Variants in VPS53 observed in about 807,000 individuals in gnomAD.
VPS53 encodes VPS53 subunit of GARP complex.
In VPS53, 70 loss-of-function variants were observed where a neutral mutation model predicts 107.0. The observed-to-expected ratio is 0.65, with a 90% CI of 0.54 to 0.80. The LOEUF (loss-of-function observed/expected upper bound fraction) is 0.80, where lower values mean the gene tolerates loss of function less well. VPS53 is among the 30% of genes least tolerant of loss of function. VPS53 has a pLI of 0.00. For synonymous variants in VPS53, 409 were observed against 393.3 expected, an observed-to-expected ratio of 1.04 and a Z score of -0.47; for missense variants, 917 against 1,049.4, an observed-to-expected ratio of 0.87 and a Z score of 1.74.
At chr17:627,954 C>CCT in intron 9 of VPS53, 134 bp downstream of exon 9, 1 of 864,550 alleles carries the variant, frequency 1.2e-6, no homozygotes. Context: ...AAACTCAGCC[C>CCT]CTAGGACTCA....
rs748909598 is a variant in VPS53 at position 710,628 on chromosome 17, A to G, written c.88-15T>C. On this transcript the variant is annotated splice_polypyrimidine_tract_variant and intron_variant, in intron 1 of 21. Coordinates refer to ENST00000437048, the MANE Select transcript of VPS53 (RefSeq NM_001128159.3). ...CTTGGAAACACCTATATAGAAAGAG[A>G]GGAGTATATATAAAAACATGTAGTA... is the stretch of plus-strand genomic sequence containing the variant. 6.4e-7 allele frequency: 1 copy of G among 1,565,736 alleles called. No individual in the cohort carries two copies. The highest frequency in any genetic ancestry group is 1.4e-5 in the African/African-American group (1 of 73,586).
chr17:676,191 G>A (rs530420503), intron 4 of VPS53: 1 of 152,208 alleles, frequency 6.6e-6, no homozygotes, highest in Non-Finnish European at 1.5e-5. Context: ...CATGGAAATG[G>A]TGACGGCACA....
rs764383450 is a variant in VPS53, at chr17:628,212, T to C, written c.707A>G (p.Asn236Ser). 8 of 1,613,870 alleles carry C rather than the reference T, an allele frequency of 5.0e-6. No individual in the cohort carries two copies. The Admixed American group carries it at 8.3e-5, about 17-fold the overall frequency. Reference protein sequence around the residue: ...QGTKRPGGPSNVLRDACLVAN... With the variant: ...QGTKRPGGPSSVLRDACLVAN... ...AACCAGACATGCATCTCGTAGAACA[T>C]TGCTGGGTCCTCCTGGTCTCTAGTA... is the stretch of plus-strand genomic sequence containing the variant. The change falls in exon 9 of 22, where the codon AAT becomes AGT. Residue 236 changes from asparagine to serine, a missense_variant. Coordinates refer to ENST00000437048, the MANE Select transcript of VPS53 (RefSeq NM_001128159.3).
At chr17:560,994 G>T (rs371606272) in intron 14 of VPS53, among the ~76,000 whole-genome samples, 1 of 152,082 alleles carries the variant, frequency 6.6e-6, no homozygotes, top group Non-Finnish European at 1.5e-5. Context: ...GGACATAAGC[G>T]CATGTTAAGA....
intron 7 of VPS53, among the ~76,000 whole-genome samples, chr17:635,150 T>C (rs1970140213): frequency 6.6e-6 from 1 of 152,260 alleles, no homozygotes; most frequent in Non-Finnish European, 1.5e-5. Context: ...TGACCAGTGA[T>C]GGTTAGCATT....
At chr17:551,149 G>A (rs1225623235) in intron 17 of VPS53, among the ~76,000 whole-genome samples, 1 of 149,822 alleles carries the variant, frequency 6.7e-6, no homozygotes, top group African/African-American at 2.5e-5. Context: ...AGATAAAAGA[G>A]GGGTGAAAGA....
intron 13 of VPS53, among the ~76,000 whole-genome samples, chr17:573,480 T>C (rs1184178404): frequency 1.3e-5 from 2 of 152,082 alleles, no homozygotes; most frequent in African/African-American, 4.8e-5. Context: ...GGTGGGAGGC[T>C]GGGGAGATGA....
At chr17:682,568 G>A (rs1972438686) in intron 4 of VPS53, among the ~76,000 whole-genome samples, 1 of 152,146 alleles carries the variant, frequency 6.6e-6, no homozygotes, top group South Asian at 2.1e-4. Flanking sequence ...GGCCAAGTGT[G>A]GGCTGGCGCA....
chr17:549,212 G>GT (rs988852337), intron 17 of VPS53, among the ~76,000 whole-genome samples: 1 of 152,172 alleles, frequency 6.6e-6, no homozygotes, highest in African/African-American at 2.4e-5. Flanking sequence ...TATCACAAAA[G>GT]TTTTTTTAAA....
intron 4 of VPS53, among the ~76,000 whole-genome samples, chr17:670,339 C>A (rs894204639): frequency 6.6e-6 from 1 of 152,170 alleles, no homozygotes; most frequent in Non-Finnish European, 1.5e-5. Context: ...GAAAAGCAAC[C>A]CACTGAATTA....
At chr17:637,384 ATTTTT>A (rs1212801119) in intron 7 of VPS53, among the ~76,000 whole-genome samples, 1 of 151,874 alleles carries the variant, frequency 6.6e-6, no homozygotes, top group Non-Finnish European at 1.5e-5. Context: ...GGATTCATTG[ATTTTT>A]TTGAAGGGTT....
chr17:707,359 T>C (rs1973446602), intron 2 of VPS53, among the ~76,000 whole-genome samples: 2 of 151,542 alleles, frequency 1.3e-5, no homozygotes, highest in African/African-American at 4.8e-5. Flanking sequence ...CCATCTCTAC[T>C]AAAAATACAA....
Position 510,385 on chromosome 17 carries a change from T to C in VPS53, c.*8743A>G, listed in dbSNP as rs1323505763. Reference sequence around the variant, plus strand: ...CCTGGCTCGCCCCTCACTAGTCACATATCAAATCCTGGCTTGTCCCCTTGC... The same window carrying C: ...CCTGGCTCGCCCCTCACTAGTCACACATCAAATCCTGGCTTGTCCCCTTGC... On this transcript the variant is annotated 3_prime_UTR_variant, in exon 22 of 22. Transcript: ENST00000437048. 5 of 237,194 alleles carry C rather than the reference T, an allele frequency of 2.1e-5. No individual in the cohort carries two copies. Among genetic ancestry groups the C allele is most frequent in the Middle Eastern group, 1.4e-3 (1 of 720 alleles). The allele number at this position is 237,194 out of a possible 1,614,324, so 14.7% of individuals were successfully genotyped here.
intron 7 of VPS53, among the ~76,000 whole-genome samples, chr17:652,209 G>A (rs1970980514): frequency 6.6e-6 from 1 of 152,048 alleles, no homozygotes; most frequent in African/African-American, 2.4e-5. Flanking sequence ...TGGCCAGGCT[G>A]GCCTCGAACT....
intron 15 of VPS53, among the ~76,000 whole-genome samples, chr17:557,292 C>T (rs1218407131): frequency 6.6e-6 from 1 of 152,202 alleles, no homozygotes; most frequent in Non-Finnish European, 1.5e-5. Context: ...TTCCCTGTAT[C>T]TCTGTGTGTT....
chr17:569,008 T>C lies in VPS53; in HGVS notation c.1314-6263A>G, dbSNP rs774628088. On this transcript the variant is annotated intron_variant, in intron 13 of 21. Coordinates refer to ENST00000437048, the MANE Select transcript of VPS53 (RefSeq NM_001128159.3). ...TGGAAGCAATGACACCGAGCAGCAATGAGCATACTTGGTTTCTAAATGTCA... is the reference window on the plus strand; with the variant it reads ...TGGAAGCAATGACACCGAGCAGCAACGAGCATACTTGGTTTCTAAATGTCA... Among the ~76,000 whole-genome samples, 39 of 152,288 alleles carry C rather than the reference T, an allele frequency of 2.6e-4. 1 individual carries two copies. Among genetic ancestry groups the C allele is most frequent in the Admixed American group, 7.2e-4 (11 of 15,292 alleles).
intron 2 of VPS53, among the ~76,000 whole-genome samples, chr17:707,054 G>A (rs1383585563): frequency 7.9e-5 from 12 of 152,206 alleles, no homozygotes; most frequent in Admixed American, 7.2e-4. Flanking sequence ...GGGTGCGAAC[G>A]TCCCCACGGG....
At chr17:581,595 T>C (rs139716254) in intron 13 of VPS53, among the ~76,000 whole-genome samples, 143 of 144,656 alleles carry the variant, frequency 9.9e-4, no homozygotes, top group Middle Eastern at 4.5e-3. Context: ...CCCAGAGAAC[T>C]TCCCTCAGAA....
At chr17:573,841 T>C (rs1914388694) in intron 13 of VPS53, among the ~76,000 whole-genome samples, 2 of 152,168 alleles carry the variant, frequency 1.3e-5, no homozygotes, top group Non-Finnish European at 2.9e-5. Context: ...AATGGTCTCA[T>C]GCTTTCTGAG....
Sources: allele counts gnomAD v4.1 joint callset (sites outside exome capture counted in the v4.1 genomes callset), GRCh38; gene constraint gnomAD v4.1.1; transcripts MANE v1.5; gene names NCBI Gene and HGNC (gene_info 2026-07-23, HGNC 2026-07-21).